PTPRT: variants seen among roughly 807,000 people sequenced by gnomAD.
The protein encoded by PTPRT is protein tyrosine phosphatase receptor type T.
Under a neutral mutation model 176.8 loss-of-function variants are expected in PTPRT, and 56 were observed. The observed-to-expected ratio is 0.32, with a 90% CI of 0.26 to 0.40. The LOEUF (loss-of-function observed/expected upper bound fraction) is 0.40, where lower values mean the gene tolerates loss of function less well. Among genes scored for constraint, PTPRT ranks in the 10% least tolerant of loss-of-function variants. The pLI, the probability that PTPRT is intolerant of heterozygous loss-of-function variation, is 1.00. For synonymous variants in PTPRT, 783 were observed against 739.0 expected (o/e 1.06, Z -0.96); for missense variants, 1,540 against 1,908.2 (o/e 0.81, Z 3.60).
intron 1 of PTPRT, among the ~76,000 whole-genome samples, chr20:43,105,226 A>T (rs749199829): frequency 6.6e-6 from 1 of 152,178 alleles, no homozygotes; most frequent in Admixed American, 6.5e-5. Flanking sequence ...AGGGGTCTAC[A>T]ATCTGCGTTT....
intron 1 of PTPRT, among the ~76,000 whole-genome samples, chr20:43,095,584 C>T (rs562463459): frequency 1.3e-5 from 2 of 151,332 alleles, no homozygotes; most frequent in Non-Finnish European, 2.9e-5. Flanking sequence ...TCCTTCCTTG[C>T]CCTCTCCTCT....
At chr20:42,821,192 A>C (rs1376277179) in intron 2 of PTPRT, among the ~76,000 whole-genome samples, 1 of 152,248 alleles carries the variant, frequency 6.6e-6, no homozygotes, top group Non-Finnish European at 1.5e-5. Context: ...ATCCAGCAGC[A>C]CATCAAAAAA....
chr20:42,720,927 T>C (rs1053498122), intron 6 of PTPRT, among the ~76,000 whole-genome samples: 4 of 152,206 alleles, frequency 2.6e-5, no homozygotes, highest in Non-Finnish European at 4.4e-5. Flanking sequence ...GCCCTGTGCT[T>C]ACCCTGTCTG....
chr20:42,563,211 T>C (rs1267660142), intron 7 of PTPRT, among the ~76,000 whole-genome samples: 2 of 152,110 alleles, frequency 1.3e-5, no homozygotes, highest in Non-Finnish European at 2.9e-5. Context: ...ATAAGAGATG[T>C]GTAAAGCTCC....
At chr20:42,395,063 G>A (rs1201968503) in intron 9 of PTPRT, among the ~76,000 whole-genome samples, 1 of 152,152 alleles carries the variant, frequency 6.6e-6, no homozygotes, top group Admixed American at 6.5e-5. Flanking sequence ...AACTGGTCTC[G>A]TTGTAACTCC....
intron 7 of PTPRT, among the ~76,000 whole-genome samples, chr20:42,606,036 G>T (rs1015191230): frequency 6.6e-6 from 1 of 152,188 alleles, no homozygotes; most frequent in South Asian, 2.1e-4. Context: ...CAGGCTACAG[G>T]ATCAGAATCT....
At chr20:42,675,366 C>T (rs2075484118) in intron 7 of PTPRT, among the ~76,000 whole-genome samples, 1 of 152,176 alleles carries the variant, frequency 6.6e-6, no homozygotes, top group African/African-American at 2.4e-5. Flanking sequence ...GGACCCAAGT[C>T]CAAACACAAA....
intron 13 of PTPRT, among the ~76,000 whole-genome samples, chr20:42,270,100 C>T (rs74740265): frequency 2.0e-5 from 3 of 152,060 alleles, no homozygotes; most frequent in African/African-American, 7.3e-5. Context: ...TGGAACATAT[C>T]TTCTTTTGCT....
At chr20:43,144,661 G>A (rs1240762796) in intron 1 of PTPRT, among the ~76,000 whole-genome samples, 3 of 152,158 alleles carry the variant, frequency 2.0e-5, no homozygotes, top group Non-Finnish European at 4.4e-5. Flanking sequence ...GCCTGGGGCT[G>A]GAGGTAGGGT....
chr20:42,733,407 A>T (rs557245801), intron 6 of PTPRT, among the ~76,000 whole-genome samples: 1 of 152,342 alleles, frequency 6.6e-6, no homozygotes, highest in East Asian at 1.9e-4. Flanking sequence ...TGCCTTGTGA[A>T]GATAAAAGGA....
intron 1 of PTPRT, among the ~76,000 whole-genome samples, chr20:42,888,333 C>T (rs989584156): frequency 4.6e-5 from 7 of 150,746 alleles, no homozygotes; most frequent in African/African-American, 1.7e-4. Flanking sequence ...GTGTGTCATA[C>T]CTCAACACAG....
chr20:42,199,533 C>G lies in PTPRT; in HGVS notation c.2343-145G>C, dbSNP rs1991365484. On this transcript the variant is annotated intron_variant, in intron 15 of 30. Transcript: ENST00000373187. ...AGAAAAAGAATCAAGGCAGAACAAACCATGAATGGTTTCCATTTACTCAGA... is the reference window on the plus strand; with the variant it reads ...AGAAAAAGAATCAAGGCAGAACAAAGCATGAATGGTTTCCATTTACTCAGA... 5 of 918,014 alleles carry G rather than the reference C, an allele frequency of 5.4e-6. No homozygotes were observed. In the East Asian group the frequency reaches 1.3e-4, roughly 23 times the overall value. 56.9% of individuals were successfully genotyped at this position (918,014 alleles called of 1,614,324 possible).
At chr20:43,004,314 G>A (rs1415649268) in intron 1 of PTPRT, among the ~76,000 whole-genome samples, 1 of 152,068 alleles carries the variant, frequency 6.6e-6, no homozygotes, top group African/African-American at 2.4e-5. Context: ...AAAAGCAAAT[G>A]ATCAATAACT....
At chr20:42,950,124 T>A (rs1455577821) in intron 1 of PTPRT, among the ~76,000 whole-genome samples, 4 of 152,142 alleles carry the variant, frequency 2.6e-5, no homozygotes, top group African/African-American at 9.7e-5. Context: ...TCATTAACCA[T>A]CCCCAAGAGA....
chr20:42,542,655 T>C (rs1418505124), intron 7 of PTPRT, among the ~76,000 whole-genome samples: 1 of 152,196 alleles, frequency 6.6e-6, no homozygotes, highest in Non-Finnish European at 1.5e-5. Context: ...GACAAAGAAT[T>C]CTACTTCTAA....
At chr20:42,376,699 C>T (rs1301477922) in intron 9 of PTPRT, among the ~76,000 whole-genome samples, 6 of 152,096 alleles carry the variant, frequency 3.9e-5, no homozygotes, top group African/African-American at 1.2e-4. Flanking sequence ...GAGTAAGAAG[C>T]TCCTAAGCAG....
At chr20:42,423,031 C>A (rs2059133083) in intron 9 of PTPRT, among the ~76,000 whole-genome samples, 1 of 151,970 alleles carries the variant, frequency 6.6e-6, no homozygotes, top group African/African-American at 2.4e-5. Context: ...ACAACACACA[C>A]TGGGGCCTTT....
At chr20:42,072,206 G>A (rs73119811), downstream of PTPRT, among the ~76,000 whole-genome samples, 8,245 of 152,216 alleles carry the variant, frequency 0.054, 296 homozygotes, top group East Asian at 0.11. Context: ...AAAATAAGGC[G>A]CAAGGCTGTA....
intron 5 of PTPRT, among the ~76,000 whole-genome samples, chr20:42,762,804 GT>G (rs1569141174): frequency 2.0e-5 from 3 of 152,232 alleles, no homozygotes; most frequent in Non-Finnish European, 4.4e-5. Flanking sequence ...CTAATCGGTG[GT>G]TCTGCTTAAT....
Sources: allele counts gnomAD v4.1 joint callset (sites outside exome capture counted in the v4.1 genomes callset), GRCh38; gene constraint gnomAD v4.1.1; transcripts MANE v1.5; gene names NCBI Gene and HGNC (gene_info 2026-07-23, HGNC 2026-07-21).